CSMD1: variants seen among roughly 807,000 people sequenced by gnomAD.
The protein encoded by CSMD1 is CUB and Sushi multiple domains 1.
CSMD1 carries 213 observed loss-of-function variants against 417.5 expected under a neutral mutation model. That is an observed-to-expected ratio of 0.51 (90% CI 0.46 to 0.57). CSMD1 has a LOEUF of 0.57. CSMD1 is among the 20% of genes least tolerant of loss of function. The probability of loss-of-function intolerance (pLI) is 0.00; values close to 1 mark genes in which losing one functional copy is unlikely to be tolerated. For synonymous variants in CSMD1, 2,862 were observed against 1,736.8 expected (o/e 1.65, Z -16.11); for missense variants, 6,923 against 4,529.7 (o/e 1.53, Z -15.17).
intron 12 of CSMD1, among the ~76,000 whole-genome samples, chr8:3,460,650 C>A (rs538638492): frequency 1.3e-5 from 2 of 152,054 alleles, no homozygotes; most frequent in South Asian, 2.1e-4. Context: ...ATTTACTAGA[C>A]GGAACTGACC....
Position 4,787,113 on chromosome 8 carries a change from G to A in CSMD1, c.86-149555C>T, listed in dbSNP as rs144071571. ...GCAGGGTGATACTCGGCCTCCGCTG[G>A]CTCAACTTTTAGAGGGAAACTATCC... On this transcript the variant is annotated intron_variant, in intron 1 of 69. Coordinates refer to ENST00000635120, the MANE Select transcript of CSMD1 (RefSeq NM_033225.6). 1.1e-4 allele frequency among the ~76,000 whole-genome samples: 17 copies of A among 152,292 alleles called. 1 individual carries two copies. The East Asian group carries it at 2.5e-3, about 23-fold the overall frequency.
chr8:3,537,656 G>A (rs910503873), intron 10 of CSMD1, among the ~76,000 whole-genome samples: 2 of 151,974 alleles, frequency 1.3e-5, no homozygotes, highest in African/African-American at 4.8e-5. Flanking sequence ...TTTATTTCAG[G>A]CAAATTACAT....
At chr8:2,976,502 T>C (rs573398672) in intron 55 of CSMD1, among the ~76,000 whole-genome samples, 1 of 152,226 alleles carries the variant, frequency 6.6e-6, no homozygotes, top group East Asian at 1.9e-4. Flanking sequence ...TGTGCCACCA[T>C]GCCCCACTAG....
chr8:4,773,500 C>A (rs574038962), intron 1 of CSMD1, among the ~76,000 whole-genome samples: 2 of 152,132 alleles, frequency 1.3e-5, no homozygotes, highest in African/African-American at 4.8e-5. Flanking sequence ...AAAGAATACT[C>A]TCAGATTGCT....
intron 17 of CSMD1, among the ~76,000 whole-genome samples, chr8:3,389,464 A>G (rs1211340930): frequency 6.6e-6 from 1 of 152,154 alleles, no homozygotes; most frequent in Admixed American, 6.6e-5. Flanking sequence ...TCAAAAGAAG[A>G]AGCTCTGCTG....
At chr8:3,821,296 A>G (rs1801721706) in intron 5 of CSMD1, among the ~76,000 whole-genome samples, 1 of 152,218 alleles carries the variant, frequency 6.6e-6, no homozygotes, top group African/African-American at 2.4e-5. Flanking sequence ...TTAACCAGCA[A>G]CACAGTCATT....
intron 3 of CSMD1, among the ~76,000 whole-genome samples, chr8:4,087,053 G>A (rs1800458030): frequency 6.6e-6 from 1 of 152,142 alleles, no homozygotes; most frequent in Admixed American, 6.5e-5. Context: ...GACTGCCTTG[G>A]GCTAGCCCAA....
At chr8:4,715,003 A>G (rs1329436918) in intron 1 of CSMD1, among the ~76,000 whole-genome samples, 4 of 152,194 alleles carry the variant, frequency 2.6e-5, no homozygotes, top group Admixed American at 1.3e-4. Flanking sequence ...AGATGGCAAT[A>G]ATTTCATATC....
chr8:3,819,650 C>T (rs999023280), intron 5 of CSMD1, among the ~76,000 whole-genome samples: 18 of 152,084 alleles, frequency 1.2e-4, no homozygotes, highest in African/African-American at 4.3e-4. Context: ...GTGGAGCAAT[C>T]ATGACTCACT....
Position 3,369,289 on chromosome 8 carries a change from T to C in CSMD1, c.2864A>G (p.Asn955Ser). The C allele has an allele frequency of 3.7e-6, 6 of 1,601,156 alleles. 1 individual carries two copies. The highest frequency in any genetic ancestry group is 5.1e-6 in the Non-Finnish European group (6 of 1,168,802). Residue 955 changes from asparagine to serine, a missense_variant, in exon 19 of 70, where the codon AAC (asparagine) becomes AGC (serine). Physicochemically the swap from Asn to Ser is conservative, Grantham distance 46 (BLOSUM62 1). Coordinates refer to ENST00000635120, the MANE Select transcript of CSMD1 (RefSeq NM_033225.6). ...GFPDFYPNSLNCTWTIEVSHG... is the reference protein window; with the variant it reads ...GFPDFYPNSLSCTWTIEVSHG... ...AGACACTTCAATGGTCCACGTGCAGTTTAGAGAGTTTGGATAAAAATCTGG... is the reference window on the plus strand; with the variant it reads ...AGACACTTCAATGGTCCACGTGCAGCTTAGAGAGTTTGGATAAAAATCTGG...
intron 54 of CSMD1, among the ~76,000 whole-genome samples, chr8:2,996,703 G>A (rs1806928946): frequency 6.6e-6 from 1 of 152,198 alleles, no homozygotes; most frequent in Non-Finnish European, 1.5e-5. Context: ...GCTAGAATGA[G>A]AACACAGCAG....
At chr8:3,572,526 C>T (rs1451842996) in intron 10 of CSMD1, among the ~76,000 whole-genome samples, 1 of 152,174 alleles carries the variant, frequency 6.6e-6, no homozygotes, top group African/African-American at 2.4e-5. Flanking sequence ...TAGATTCATG[C>T]AATTCTCATA....
At chr8:4,955,064 C>T (rs943930209) in intron 1 of CSMD1, among the ~76,000 whole-genome samples, 1 of 152,086 alleles carries the variant, frequency 6.6e-6, no homozygotes, top group Non-Finnish European at 1.5e-5. Flanking sequence ...GTCAGTGGCT[C>T]TCAAAATAGG....
At chr8:3,553,446 G>A (rs1288158682) in intron 10 of CSMD1, among the ~76,000 whole-genome samples, 2 of 152,124 alleles carry the variant, frequency 1.3e-5, no homozygotes, top group East Asian at 3.8e-4. Context: ...CAGTTCCTCA[G>A]TTTCTTCCCT....
chr8:4,160,827 G>C (rs962771404), intron 3 of CSMD1, among the ~76,000 whole-genome samples: 3 of 152,216 alleles, frequency 2.0e-5, no homozygotes, highest in Non-Finnish European at 4.4e-5. Context: ...AAAAGAAGAA[G>C]AAAAGGAACT....
At chr8:3,500,469 C>T (rs1437753421) in intron 10 of CSMD1, among the ~76,000 whole-genome samples, 1 of 152,086 alleles carries the variant, frequency 6.6e-6, no homozygotes, top group East Asian at 1.9e-4. Context: ...ACCTAAAATA[C>T]TAAGACTCTG....
intron 3 of CSMD1, among the ~76,000 whole-genome samples, chr8:4,044,696 G>C (rs1009936196): frequency 2.3e-5 from 1 of 43,138 alleles, no homozygotes; most frequent in Non-Finnish European, 6.7e-5. Flanking sequence ...AATCCTGGCT[G>C]CGTACAACCC....
intron 3 of CSMD1, among the ~76,000 whole-genome samples, chr8:4,141,054 C>T (rs570182639): frequency 6.6e-6 from 1 of 151,312 alleles, no homozygotes; most frequent in Admixed American, 6.5e-5. Flanking sequence ...TTAGTTCTAA[C>T]AAATTATAAA....
intron 21 of CSMD1, among the ~76,000 whole-genome samples, chr8:3,349,564 C>G (rs181824865): frequency 1.9e-3 from 294 of 151,800 alleles, no homozygotes; most frequent in African/African-American, 6.5e-3. Flanking sequence ...GGCGGAAGTG[C>G]AGGCAATTGG....
Sources: allele counts gnomAD v4.1 joint callset (sites outside exome capture counted in the v4.1 genomes callset), GRCh38; gene constraint gnomAD v4.1.1; transcripts MANE v1.5; gene names NCBI Gene and HGNC (gene_info 2026-07-23, HGNC 2026-07-21).